Variants in KALRN observed in about 807,000 individuals in gnomAD.
KALRN encodes kalirin RhoGEF kinase.
In KALRN, 70 loss-of-function variants were observed where a neutral mutation model predicts 353.7. The observed-to-expected ratio is 0.20, with a 90% CI of 0.16 to 0.24. The LOEUF (loss-of-function observed/expected upper bound fraction) is 0.24, where lower values mean the gene tolerates loss of function less well. KALRN is among the 10% of genes least tolerant of loss of function. The probability of loss-of-function intolerance (pLI) is 1.00; values close to 1 mark genes in which losing one functional copy is unlikely to be tolerated. For missense variants in KALRN, 2,791 were observed against 3,756.7 expected (o/e 0.74, Z 6.72); for synonymous variants, 1,391 against 1,434.8 (o/e 0.97, Z 0.69).
intron 49 of KALRN, among the ~76,000 whole-genome samples, chr3:124,676,396 G>C (rs1287579868): frequency 6.6e-6 from 1 of 152,228 alleles, no homozygotes; most frequent in South Asian, 2.1e-4. Context: ...ATAACCACAG[G>C]GGTCAGAGTT....
chr3:124,528,746 G>A (rs2067794316), intron 33 of KALRN, among the ~76,000 whole-genome samples: 3 of 152,188 alleles, frequency 2.0e-5, no homozygotes, highest in Non-Finnish European at 4.4e-5. Flanking sequence ...GCATTGGTTA[G>A]CCTTTCCAGA....
intron 21 of KALRN, among the ~76,000 whole-genome samples, chr3:124,454,387 G>A (rs1337175472): frequency 6.6e-6 from 1 of 152,154 alleles, no homozygotes; most frequent in Non-Finnish European, 1.5e-5. Flanking sequence ...AAAGAGACCT[G>A]CATCACTTCC....
intron 33 of KALRN, among the ~76,000 whole-genome samples, chr3:124,504,277 T>C (rs1025156572): frequency 3.3e-5 from 5 of 152,030 alleles, no homozygotes; most frequent in African/African-American, 1.2e-4. Flanking sequence ...TTAGAGATCA[T>C]CTAGCCCTCT....
At chr3:124,198,280 A>G (rs1296640315) in intron 1 of KALRN, among the ~76,000 whole-genome samples, 4 of 152,228 alleles carry the variant, frequency 2.6e-5, no homozygotes, top group Non-Finnish European at 5.9e-5. Flanking sequence ...TCTGCACTCC[A>G]TAACTCATGA....
At chr3:124,248,378 G>A (rs1338125962) in intron 3 of KALRN, among the ~76,000 whole-genome samples, 1 of 152,208 alleles carries the variant, frequency 6.6e-6, no homozygotes, top group Non-Finnish European at 1.5e-5. Context: ...ACCACAGGGG[G>A]TTACCCAGGC....
chr3:124,037,138 C>T (rs941517740), intron 1 of KALRN, among the ~76,000 whole-genome samples: 5 of 152,214 alleles, frequency 3.3e-5, no homozygotes, highest in African/African-American at 1.2e-4. Context: ...TTTCAATTAT[C>T]CCTAGAGGCT....
At chr3:124,549,320 A>AAC (rs10542227) in intron 33 of KALRN, among the ~76,000 whole-genome samples, 31,131 of 145,832 alleles carry the variant, frequency 0.21, 3,440 homozygotes, top group Non-Finnish European at 0.27. Flanking sequence ...CCAAGAAGCC[A>AAC]ACACACACAC....
intron 18 of KALRN, 41 bp downstream of exon 18, chr3:124,439,078 T>C: frequency 6.3e-7 from 1 of 1,591,188 alleles, no homozygotes; most frequent in Non-Finnish European, 8.6e-7. Context: ...ACTCCTGGCC[T>C]TGGCCGCCTT....
chr3:124,265,015 C>A (rs2073336842), intron 4 of KALRN, among the ~76,000 whole-genome samples: 1 of 152,098 alleles, frequency 6.6e-6, no homozygotes, highest in Non-Finnish European at 1.5e-5. Context: ...TGTAGCAATT[C>A]TTTTTTTATT....
At chr3:124,714,378 G>A (rs950332914) in intron 58 of KALRN, among the ~76,000 whole-genome samples, 3 of 152,166 alleles carry the variant, frequency 2.0e-5, no homozygotes, top group Non-Finnish European at 4.4e-5. Flanking sequence ...CTTCAGACTT[G>A]CCAACTGCTG....
chr3:124,326,907 C>T (rs1004416963), intron 7 of KALRN, among the ~76,000 whole-genome samples: 4 of 152,184 alleles, frequency 2.6e-5, no homozygotes, highest in African/African-American at 9.7e-5. Flanking sequence ...TTCATCACTT[C>T]CTGATTATTT....
intron 34 of KALRN, among the ~76,000 whole-genome samples, chr3:124,571,830 G>A (rs1238063853): frequency 6.6e-6 from 1 of 151,644 alleles, no homozygotes; most frequent in African/African-American, 2.4e-5. Flanking sequence ...GTTTCGCCAT[G>A]TTGCCCAGGC....
intron 1 of KALRN, among the ~76,000 whole-genome samples, chr3:124,222,477 G>A (rs1392756604): frequency 6.6e-6 from 1 of 152,224 alleles, no homozygotes; most frequent in East Asian, 1.9e-4. Flanking sequence ...GTCCTGTTTA[G>A]GCCAGGCTAC....
rs1438578452 is a variant in KALRN, at chr3:124,720,161, A to G, written c.*691A>G. 6.6e-6 allele frequency: 1 copy of G among 152,652 alleles called. No homozygotes were observed. The highest frequency in any genetic ancestry group is 1.5e-5 in the Non-Finnish European group (1 of 68,046). 9.5% of individuals were successfully genotyped at this position (152,652 alleles called of 1,614,324 possible). A position where few individuals can be genotyped will look rare whatever the true frequency, so the allele number is the denominator to read the frequency against. Reference sequence around the variant, plus strand: ...TTACCAGAACCTGTGCATTAAGAGAAAGCAATGTTGCCCTTTTGAATGAGA... The same window carrying G: ...TTACCAGAACCTGTGCATTAAGAGAGAGCAATGTTGCCCTTTTGAATGAGA... On this transcript the variant is annotated 3_prime_UTR_variant, in exon 60 of 60. Coordinates refer to ENST00000682506, the MANE Select transcript of KALRN (RefSeq NM_001388419.1).
intron 1 of KALRN, among the ~76,000 whole-genome samples, chr3:124,128,073 C>T (rs1319746618): frequency 1.3e-5 from 2 of 152,118 alleles, no homozygotes; most frequent in African/African-American, 4.8e-5. Context: ...TTTCTTCAAT[C>T]ATGTATTCCC....
At chr3:124,459,456 T>C (rs1442052929) in intron 23 of KALRN, among the ~76,000 whole-genome samples, 3 of 152,244 alleles carry the variant, frequency 2.0e-5, no homozygotes, top group Non-Finnish European at 4.4e-5. Flanking sequence ...ATCATTAGAT[T>C]CCTGCTTTGC....
chr3:124,456,767 G>C (rs1443862176), intron 23 of KALRN, 39 bp downstream of exon 23: 6 of 1,420,304 alleles, frequency 4.2e-6, no homozygotes, highest in Non-Finnish European at 5.9e-6. Flanking sequence ...GGCTCCCCGT[G>C]ACTATGCTGG....
chr3:124,455,164 T>A lies in KALRN; in HGVS notation c.3553-13T>A. ...AATGTAATCCAGTAACTTAAGGCCA[T>A]CTTTTGGGGCAGCAAACAAAGGAGA... On this transcript the variant is annotated splice_polypyrimidine_tract_variant and intron_variant, in intron 21 of 59. Coordinates refer to ENST00000682506, the MANE Select transcript of KALRN (RefSeq NM_001388419.1). 1 of 1,613,884 alleles carries A rather than the reference T, an allele frequency of 6.2e-7. No individual in the cohort carries two copies. Among genetic ancestry groups the A allele is most frequent in the Non-Finnish European group, 8.5e-7 (1 of 1,179,870 alleles).
chr3:124,287,445 T>C (rs1438532589), intron 5 of KALRN, among the ~76,000 whole-genome samples: 1 of 151,810 alleles, frequency 6.6e-6, no homozygotes, highest in Non-Finnish European at 1.5e-5. Flanking sequence ...ACCCATTTTT[T>C]ACATCCATCA....
Sources: gnomAD v4.1 joint callset for allele counts (sites outside exome capture counted in the v4.1 genomes callset) on GRCh38, gnomAD v4.1.1 for gene constraint, MANE v1.5 for transcripts, NCBI Gene and HGNC (gene_info 2026-07-23, HGNC 2026-07-21) for gene names.